CNTNAP2: variants seen among roughly 807,000 people sequenced by gnomAD.
CNTNAP2 encodes contactin associated protein 2.
Under a neutral mutation model 155.2 loss-of-function variants are expected in CNTNAP2, and 98 were observed. The observed-to-expected ratio is 0.63, with a 90% CI of 0.54 to 0.75. The LOEUF is 0.75. Among genes scored for constraint, CNTNAP2 ranks in the 30% least tolerant of loss-of-function variants. The pLI, the probability that CNTNAP2 is intolerant of heterozygous loss-of-function variation, is 0.00. For missense variants in CNTNAP2, 1,727 were observed against 1,688.1 expected (o/e 1.02, Z -0.40); for synonymous variants, 651 against 631.2 (o/e 1.03, Z -0.47).
intron 10 of CNTNAP2, among the ~76,000 whole-genome samples, chr7:147,397,770 A>AT (rs10646575): frequency 0.053 from 7,689 of 145,886 alleles, 232 homozygotes; most frequent in African/African-American, 0.091. Flanking sequence ...GATACACAAA[A>AT]TTTTTTTTTT....
Position 146,715,693 on chromosome 7 carries a change from G to C in CNTNAP2, c.98-58578G>C, listed in dbSNP as rs954964144. 2.6e-5 allele frequency among the ~76,000 whole-genome samples: 4 copies of C among 152,144 alleles called. No homozygotes were observed. The East Asian group carries it at 5.8e-4, about 22-fold the overall frequency. On this transcript the variant is annotated intron_variant, in intron 1 of 23. Transcript: ENST00000361727. ...ACTAATATAGTTTTATCTAGCTACA[G>C]TTTTGTCAAAAAGAGACTATTGTTG...
chr7:147,637,055 A>G (rs1040967089), intron 12 of CNTNAP2, among the ~76,000 whole-genome samples: 1 of 152,012 alleles, frequency 6.6e-6, no homozygotes, highest in Admixed American at 6.6e-5. Flanking sequence ...AGGAGGGAGG[A>G]TTGACATGTG....
At chr7:147,083,346 C>T (rs949930436) in intron 4 of CNTNAP2, 2 of 151,800 alleles carry the variant, frequency 1.3e-5, no homozygotes, top group Non-Finnish European at 1.5e-5. Flanking sequence ...GACAAACTAA[C>T]GTTTGGAATA....
chr7:146,597,840 G>A (rs1584999743), intron 1 of CNTNAP2, among the ~76,000 whole-genome samples: 1 of 152,016 alleles, frequency 6.6e-6, no homozygotes, highest in Non-Finnish European at 1.5e-5. Flanking sequence ...CTATGAAATA[G>A]CATCTCACAA....
At chr7:147,234,295 A>G (rs1002152041) in intron 8 of CNTNAP2, among the ~76,000 whole-genome samples, 3 of 149,378 alleles carry the variant, frequency 2.0e-5, no homozygotes, top group Non-Finnish European at 4.4e-5. Context: ...TCTAATCCTC[A>G]GATTCCATTT....
At chr7:148,395,499 G>C (rs1047491630) in intron 22 of CNTNAP2, among the ~76,000 whole-genome samples, 1 of 152,110 alleles carries the variant, frequency 6.6e-6, no homozygotes, top group African/African-American at 2.4e-5. Context: ...AGAGGCTGGC[G>C]TAAGTTGCCA....
intron 1 of CNTNAP2, among the ~76,000 whole-genome samples, chr7:146,714,656 C>T (rs998042339): frequency 2.6e-5 from 4 of 151,834 alleles, no homozygotes; most frequent in East Asian, 1.9e-4. Flanking sequence ...CAAAAGTTTT[C>T]GAGTTAAGAT....
intron 14 of CNTNAP2, among the ~76,000 whole-genome samples, chr7:147,908,784 T>C (rs1025482201): frequency 2.0e-5 from 3 of 152,230 alleles, no homozygotes; most frequent in Non-Finnish European, 4.4e-5. Flanking sequence ...AGATGCTTTG[T>C]CCAGTTAAGA....
chr7:147,551,080 A>G (rs2116764813), intron 11 of CNTNAP2, among the ~76,000 whole-genome samples: 1 of 152,314 alleles, frequency 6.6e-6, no homozygotes, highest in South Asian at 2.1e-4. Flanking sequence ...TCTTATGTGC[A>G]TTAAGGTAAA....
At chr7:148,198,627 G>C (rs1400985228) in intron 18 of CNTNAP2, among the ~76,000 whole-genome samples, 1 of 152,198 alleles carries the variant, frequency 6.6e-6, no homozygotes, top group African/African-American at 2.4e-5. Context: ...TGTTCTTCTA[G>C]ATACTCCCTG....
At chr7:147,726,467 A>G (rs111702188) in intron 13 of CNTNAP2, among the ~76,000 whole-genome samples, 2,493 of 152,140 alleles carry the variant, frequency 0.016, 74 homozygotes, top group African/African-American at 0.058. Flanking sequence ...CTATAGCCTC[A>G]AAGACCATCT....
chr7:146,949,349 G>A (rs1797260405), intron 3 of CNTNAP2, among the ~76,000 whole-genome samples: 1 of 152,176 alleles, frequency 6.6e-6, no homozygotes, highest in East Asian at 1.9e-4. Context: ...CTTATCCCCT[G>A]ATGTCTCTGA....
chr7:147,903,839 G>A, intron 14 of CNTNAP2, 118 bp downstream of exon 14: 1 of 1,301,778 alleles, frequency 7.7e-7, no homozygotes, highest in Non-Finnish European at 1.1e-6. Context: ...GGGTAGAAAG[G>A]TCTGGAACTA....
At chr7:146,939,380 T>C (rs1796997739) in intron 3 of CNTNAP2, among the ~76,000 whole-genome samples, 1 of 152,212 alleles carries the variant, frequency 6.6e-6, no homozygotes, top group Admixed American at 6.5e-5. Flanking sequence ...GTGCCTACAG[T>C]AAATTCAAAA....
At chr7:147,811,734 G>A (rs186852556) in intron 13 of CNTNAP2, among the ~76,000 whole-genome samples, 12 of 151,990 alleles carry the variant, frequency 7.9e-5, no homozygotes, top group South Asian at 2.1e-4. Flanking sequence ...CATTTTACTC[G>A]CATTCTTGAC....
chr7:146,124,064 C>T lies in CNTNAP2; in HGVS notation c.97+7091C>T, dbSNP rs115351649. 8.5e-3 allele frequency among the ~76,000 whole-genome samples: 1,295 copies of T among 152,098 alleles called. 13 individuals carry two copies. Among genetic ancestry groups the T allele is most frequent in the Middle Eastern group, 0.037 (11 of 294 alleles). On this transcript the variant is annotated intron_variant, in intron 1 of 23. Coordinates refer to ENST00000361727, the MANE Select transcript of CNTNAP2 (RefSeq NM_014141.6). Reference sequence around the variant, plus strand: ...GTTGAATAATGAGAACACCTCAGCACAGGGAGGGGAACATCACACACCCGG... The same window carrying T: ...GTTGAATAATGAGAACACCTCAGCATAGGGAGGGGAACATCACACACCCGG...
At chr7:146,490,858 A>G (rs2129131070) in intron 1 of CNTNAP2, among the ~76,000 whole-genome samples, 1 of 152,314 alleles carries the variant, frequency 6.6e-6, no homozygotes, top group Non-Finnish European at 1.5e-5. Flanking sequence ...CTATCATGGG[A>G]ATGTAGTACT....
chr7:146,576,799 G>T (rs1484086553), intron 1 of CNTNAP2, among the ~76,000 whole-genome samples: 1 of 152,016 alleles, frequency 6.6e-6, no homozygotes. Context: ...TATCTATCTC[G>T]ATGGATCATG....
chr7:147,677,390 G>C (rs1795886249), intron 13 of CNTNAP2, among the ~76,000 whole-genome samples: 1 of 151,772 alleles, frequency 6.6e-6, no homozygotes, highest in Admixed American at 6.6e-5. Flanking sequence ...AGTTGTTTGA[G>C]TTCCTTGTTT....
Sources: gnomAD v4.1 joint callset for allele counts (sites outside exome capture counted in the v4.1 genomes callset) on GRCh38, gnomAD v4.1.1 for gene constraint, MANE v1.5 for transcripts, NCBI Gene and HGNC (gene_info 2026-07-23, HGNC 2026-07-21) for gene names.